Variants in SAMD4A observed in about 807,000 individuals in gnomAD.
SAMD4A encodes sterile alpha motif domain containing 4A, also known as protein Smaug homolog 1.
SAMD4A carries 33 observed loss-of-function variants against 81.3 expected under a neutral mutation model. That is an observed-to-expected ratio of 0.41 (90% CI 0.31 to 0.54). The LOEUF (loss-of-function observed/expected upper bound fraction) is 0.54, where lower values mean the gene tolerates loss of function less well. SAMD4A is among the 20% of genes least tolerant of loss of function. The pLI is 0.37. For synonymous variants in SAMD4A, 389 were observed against 382.1 expected, an observed-to-expected ratio of 1.02 and a Z score of -0.21; for missense variants, 854 against 951.1, an observed-to-expected ratio of 0.90 and a Z score of 1.34.
chr14:54,747,393 C>T (rs80356306), intron 4 of SAMD4A, among the ~76,000 whole-genome samples: 1 of 152,338 alleles, frequency 6.6e-6, no homozygotes, highest in East Asian at 1.9e-4. Context: ...CCCGCATTCC[C>T]TAAACCTAGA....
At chr14:54,673,988 G>A (rs1186078048) in intron 2 of SAMD4A, among the ~76,000 whole-genome samples, 5 of 152,154 alleles carry the variant, frequency 3.3e-5, no homozygotes, top group East Asian at 1.9e-4. Context: ...GTCATCAGAC[G>A]CCACGCTTAG....
chr14:54,748,047 A>G (rs537987706), intron 4 of SAMD4A, among the ~76,000 whole-genome samples: 157 of 152,340 alleles, frequency 1.0e-3, no homozygotes, highest in Middle Eastern at 3.4e-3. Flanking sequence ...CCATTATCCT[A>G]TGGCCTAGCC....
chr14:54,773,752 G>A (rs948262489), intron 9 of SAMD4A, among the ~76,000 whole-genome samples: 1 of 152,218 alleles, frequency 6.6e-6, no homozygotes, highest in African/African-American at 2.4e-5. Flanking sequence ...CATCATCTCC[G>A]ACCTTATATC....
rs567831973 is a variant in SAMD4A, at chr14:54,727,166, C to CTTTTTTTTTTTTTTTT, written c.716-9832_716-9817dup. On this transcript the variant is annotated intron_variant, in intron 3 of 12. Transcript: ENST00000554335. ...TTATCACAACAGCCTTCTTTTTTTC[C>CTTTTTTTTTTTTTTTT]TTTTTTTTTTTTTTTTTTTTTTTTT... Among the ~76,000 whole-genome samples the CTTTTTTTTTTTTTTTT allele has an allele frequency of 8.6e-4, 51 of 59,186 alleles. 12 individuals are homozygous for CTTTTTTTTTTTTTTTT. The highest frequency in any genetic ancestry group is 1.3e-3 in the Non-Finnish European group (39 of 29,778). 38.8% of individuals were successfully genotyped at this position (59,186 alleles called of 152,430 possible).
intron 8 of SAMD4A, among the ~76,000 whole-genome samples, chr14:54,765,495 C>T (rs1382503532): frequency 1.3e-5 from 2 of 150,710 alleles, no homozygotes; most frequent in East Asian, 1.9e-4. Context: ...TGGTGGCGCA[C>T]ACCTGTAATC....
Position 54,748,861 on chromosome 14 carries a change from G to A in SAMD4A, c.1026G>A (p.Ala342=), listed in dbSNP as rs1442260845. ...GCCTCCGCCTGCACAAATATGCCGC[G>A]CTTTTCTCCCAGATGACCTATGAGG... The part of the protein sequence containing the change: ...LKSLRLHKYA[A]LFSQMTYEEM... The change falls in exon 5 of 13, where the codon GCG becomes GCA. Residue 342 remains alanine, a synonymous_variant. Coordinates refer to ENST00000554335, the MANE Select transcript of SAMD4A (RefSeq NM_015589.6). 22 of 1,555,482 alleles carry A rather than the reference G, an allele frequency of 1.4e-5. No individual in the cohort carries two copies. The highest frequency in any genetic ancestry group is 1.8e-5 in the Non-Finnish European group (21 of 1,148,746).
At chr14:54,723,872 C>G (rs2037326319) in intron 3 of SAMD4A, among the ~76,000 whole-genome samples, 1 of 152,164 alleles carries the variant, frequency 6.6e-6, no homozygotes, top group African/African-American at 2.4e-5. Flanking sequence ...GGGAAGTTAA[C>G]AATTAGCATT....
At chr14:54,670,050 T>C (rs1381142893) in intron 2 of SAMD4A, among the ~76,000 whole-genome samples, 3 of 152,318 alleles carry the variant, frequency 2.0e-5, no homozygotes, top group East Asian at 1.9e-4. Context: ...TGAGTGTTTG[T>C]TGTGGCCCAA....
At chr14:54,608,780 G>A (rs1049892321) in intron 2 of SAMD4A, among the ~76,000 whole-genome samples, 1 of 152,178 alleles carries the variant, frequency 6.6e-6, no homozygotes, top group African/African-American at 2.4e-5. Flanking sequence ...AAAAAGAATC[G>A]TAGATATAGA....
intron 2 of SAMD4A, among the ~76,000 whole-genome samples, chr14:54,613,137 A>AAAGGAAGGAAGGAAGGAAGGAAGG (rs66698502): frequency 5.5e-5 from 8 of 144,644 alleles, no homozygotes; most frequent in Admixed American, 3.5e-4. Context: ...AGAGAGAGAG[A>AAAGGAAGGAAGGAAGGAAGGAAGG]AAGGAAGGAA....
intron 2 of SAMD4A, among the ~76,000 whole-genome samples, chr14:54,624,042 C>A (rs1426495680): frequency 1.3e-5 from 2 of 152,054 alleles, no homozygotes; most frequent in Non-Finnish European, 2.9e-5. Flanking sequence ...GTGGCGCGAT[C>A]TTGGCTCACT....
chr14:54,775,006 G>A lies in SAMD4A; in HGVS notation c.1788G>A (p.Pro596=), dbSNP rs149840070. 3.3e-5 allele frequency: 53 copies of A among 1,614,048 alleles called. 1 individual carries two copies. The highest frequency in any genetic ancestry group is 2.6e-4 in the South Asian group (24 of 91,080). The change falls in exon 10 of 13, where the codon CCG becomes CCA. Residue 596 remains proline, a synonymous_variant. Transcript: ENST00000554335. ...SVGGGMGRRN[P]RQYQIPSRNV... is the part of the protein sequence containing the mutation. ...GCGGTGGCATGGGCAGACGGAACCC[G>A]CGCCAGTACCAGATCCCCTCTCGGA...
At chr14:54,711,394 CA>C (rs2036985589) in intron 3 of SAMD4A, among the ~76,000 whole-genome samples, 1 of 151,894 alleles carries the variant, frequency 6.6e-6, no homozygotes, top group Admixed American at 6.6e-5. Flanking sequence ...AATGTATACC[CA>C]AAAAAACTAG....
At chr14:54,585,113 T>C (rs889385373) in intron 2 of SAMD4A, among the ~76,000 whole-genome samples, 2 of 152,234 alleles carry the variant, frequency 1.3e-5, no homozygotes, top group Admixed American at 6.5e-5. Flanking sequence ...TCTACATATA[T>C]GCCATTTGGT....
chr14:54,738,456 C>G (rs2037754591), intron 4 of SAMD4A, among the ~76,000 whole-genome samples: 1 of 152,160 alleles, frequency 6.6e-6, no homozygotes, highest in Non-Finnish European at 1.5e-5. Flanking sequence ...TCCATCCCAC[C>G]CCCATTTCAT....
Position 54,789,048 on chromosome 14 carries a change from C to T in SAMD4A, c.*104C>T, listed in dbSNP as rs1258515360. On this transcript the variant is annotated 3_prime_UTR_variant, in exon 13 of 13. Transcript: ENST00000554335. ...CAGAATCCTCCAAGATACTTTGCAG[C>T]CTTTTTTCCCCCTGGTCCCTCTCCC... is the stretch of plus-strand genomic sequence containing the variant. The T allele has an allele frequency of 1.5e-6, 2 of 1,307,308 alleles. No homozygotes were observed. Among genetic ancestry groups the T allele is most frequent in the Admixed American group, 1.7e-5 (1 of 58,470 alleles). The allele number at this position is 1,307,308 out of a possible 1,614,324, so 81.0% of individuals were successfully genotyped here.
intron 8 of SAMD4A, among the ~76,000 whole-genome samples, chr14:54,768,948 T>C (rs763930267): frequency 7.9e-5 from 12 of 152,348 alleles, no homozygotes; most frequent in Middle Eastern, 3.4e-3. Flanking sequence ...ATCTGTTTCC[T>C]TTATGGGAAC....
At chr14:54,754,337 C>A (rs1389976547) in intron 6 of SAMD4A, among the ~76,000 whole-genome samples, 2 of 152,174 alleles carry the variant, frequency 1.3e-5, no homozygotes, top group African/African-American at 4.8e-5. Context: ...GTGATGGCAG[C>A]CAGTGGTCAA....
At chr14:54,781,087 T>TG (rs1188213237) in intron 11 of SAMD4A, among the ~76,000 whole-genome samples, 1 of 152,180 alleles carries the variant, frequency 6.6e-6, no homozygotes, top group Non-Finnish European at 1.5e-5. Context: ...GCAACCCTGC[T>TG]GCTCAGTGAA....
Sources: gnomAD v4.1 joint callset for allele counts (sites outside exome capture counted in the v4.1 genomes callset) on GRCh38, gnomAD v4.1.1 for gene constraint, MANE v1.5 for transcripts, NCBI Gene and HGNC (gene_info 2026-07-23, HGNC 2026-07-21) for gene names.